Variants in NRXN3 observed in about 807,000 individuals in gnomAD.
The protein encoded by NRXN3 is neurexin 3, also known as neurexin III.
A neutral mutation model predicts 137.6 loss-of-function variants in NRXN3; 32 were observed. The ratio of observed to expected loss-of-function variants is 0.23; its 90% CI spans 0.18 to 0.31. The LOEUF (loss-of-function observed/expected upper bound fraction) is 0.31, where lower values mean the gene tolerates loss of function less well. NRXN3 is among the 10% of genes least tolerant of loss of function. NRXN3 has a pLI of 1.00. For missense variants in NRXN3, 1,574 were observed against 2,062.5 expected (o/e 0.76, Z 4.59); for synonymous variants, 798 against 784.5 (o/e 1.02, Z -0.29).
At chr14:79,334,912 A>AT (rs1240824240) in intron 15 of NRXN3, among the ~76,000 whole-genome samples, 5 of 152,106 alleles carry the variant, frequency 3.3e-5, no homozygotes, top group Non-Finnish European at 7.4e-5. Flanking sequence ...TTGAAGGAGG[A>AT]TTGGTCTTAT....
chr14:78,559,044 A>G (rs1469335620), intron 4 of NRXN3, among the ~76,000 whole-genome samples: 4 of 152,214 alleles, frequency 2.6e-5, no homozygotes, highest in African/African-American at 7.2e-5. Flanking sequence ...ACCTTGGGTG[A>G]AGAGAGTTGA....
At chr14:78,757,649 T>C (rs2098675178) in intron 8 of NRXN3, among the ~76,000 whole-genome samples, 1 of 152,134 alleles carries the variant, frequency 6.6e-6, no homozygotes, top group Admixed American at 6.5e-5. Context: ...CATAATGACA[T>C]TGTGAATGCA....
chr14:79,748,324 G>A (rs2098985964), intron 19 of NRXN3, among the ~76,000 whole-genome samples: 1 of 152,084 alleles, frequency 6.6e-6, no homozygotes, highest in South Asian at 2.1e-4. Flanking sequence ...TGAGTGTTGT[G>A]GTTGCTGTTT....
Position 78,588,380 on chromosome 14 carries a change from G to A in NRXN3, c.758-56740G>A, listed in dbSNP as rs569202782. ...TGTAACTGATATCATCCAATCACAA[G>A]TAAATTACTGCTCTGTGGAATAAAA... On this transcript the variant is annotated intron_variant, in intron 4 of 20. Transcript: ENST00000335750. 7.9e-5 allele frequency among the ~76,000 whole-genome samples: 12 copies of A among 152,264 alleles called. 1 individual carries two copies. The South Asian group carries it at 2.3e-3, about 29-fold the overall frequency.
intron 16 of NRXN3, among the ~76,000 whole-genome samples, chr14:79,547,461 C>T (rs2097331943): frequency 6.6e-6 from 1 of 152,158 alleles, no homozygotes; most frequent in African/African-American, 2.4e-5. Flanking sequence ...AATTAGCAAG[C>T]CAAATCTTGC....
chr14:78,393,810 A>T (rs1002647079), intron 4 of NRXN3, among the ~76,000 whole-genome samples: 1 of 151,992 alleles, frequency 6.6e-6, no homozygotes, highest in African/African-American at 2.4e-5. Flanking sequence ...AGTTTTCAGC[A>T]TACAAATTCT....
intron 15 of NRXN3, among the ~76,000 whole-genome samples, chr14:79,095,821 A>G (rs998694563): frequency 1.3e-5 from 2 of 152,142 alleles, no homozygotes; most frequent in Admixed American, 6.5e-5. Flanking sequence ...CTAATGTCCT[A>G]GGGAAAATAT....
intron 1 of NRXN3, among the ~76,000 whole-genome samples, chr14:78,194,964 CAG>C (rs761878696): frequency 1.1e-4 from 16 of 152,194 alleles, no homozygotes; most frequent in Non-Finnish European, 2.2e-4. Flanking sequence ...CTGGAGCACT[CAG>C]GGGATCCTGG....
Position 79,241,089 on chromosome 14 carries a change from C to T in NRXN3, c.3263-226132C>T, listed in dbSNP as rs554402947. Among the ~76,000 whole-genome samples, 7 of 152,176 alleles carry T rather than the reference C, an allele frequency of 4.6e-5. No individual in the cohort carries two copies. In the East Asian group the frequency reaches 1.4e-3, roughly 29 times the overall value. On this transcript the variant is annotated intron_variant, in intron 15 of 20. Transcript: ENST00000335750. Reference sequence around the variant, plus strand: ...AGGAATGACACAAATTCCAAAGAACCTGTAGTTAAAATAGTTGCTATTTAC... The same window carrying T: ...AGGAATGACACAAATTCCAAAGAACTTGTAGTTAAAATAGTTGCTATTTAC...
At chr14:78,977,000 T>G (rs2099469601) in intron 14 of NRXN3, among the ~76,000 whole-genome samples, 1 of 152,170 alleles carries the variant, frequency 6.6e-6, no homozygotes, top group African/African-American at 2.4e-5. Flanking sequence ...ATAGGTGACT[T>G]TATAGGTCTT....
intron 15 of NRXN3, among the ~76,000 whole-genome samples, chr14:79,453,206 A>G (rs1430454669): frequency 2.0e-5 from 3 of 152,136 alleles, no homozygotes; most frequent in Admixed American, 2.0e-4. Flanking sequence ...GGCAGGTGGA[A>G]CACCTGAGGT....
intron 10 of NRXN3, among the ~76,000 whole-genome samples, chr14:78,956,852 T>C (rs1343581531): frequency 2.0e-5 from 3 of 152,322 alleles, no homozygotes; most frequent in Middle Eastern, 3.4e-3. Context: ...GCCAAATTAT[T>C]CTATAGAAAA....
At chr14:79,356,480 C>T (rs949136364) in intron 15 of NRXN3, among the ~76,000 whole-genome samples, 2 of 152,128 alleles carry the variant, frequency 1.3e-5, no homozygotes, top group African/African-American at 2.4e-5. Context: ...CCTCTGAAAT[C>T]GTGTTCAAAA....
chr14:79,178,011 G>T (rs1341688807), intron 15 of NRXN3, among the ~76,000 whole-genome samples: 1 of 152,152 alleles, frequency 6.6e-6, no homozygotes, highest in South Asian at 2.1e-4. Flanking sequence ...TGTGGTTGTT[G>T]CCATCAAGGC....
chr14:78,931,955 C>T (rs1161975305), intron 10 of NRXN3, among the ~76,000 whole-genome samples: 2 of 152,028 alleles, frequency 1.3e-5, no homozygotes, highest in East Asian at 1.9e-4. Context: ...GAGACCAGTC[C>T]GGCCAACGTG....
At chr14:78,188,070 C>G (rs1202819247) in intron 1 of NRXN3, among the ~76,000 whole-genome samples, 1 of 152,178 alleles carries the variant, frequency 6.6e-6, no homozygotes, top group Non-Finnish European at 1.5e-5. Context: ...CTAATATTGT[C>G]ACCCTGGCTT....
intron 15 of NRXN3, among the ~76,000 whole-genome samples, chr14:79,165,257 A>G (rs1048296491): frequency 1.1e-4 from 16 of 152,002 alleles, no homozygotes; most frequent in Non-Finnish European, 2.4e-4. Context: ...TGCCTGAAAT[A>G]GCATAATAAT....
intron 1 of NRXN3, among the ~76,000 whole-genome samples, chr14:78,205,860 T>TTC (rs1382465968): frequency 6.6e-6 from 1 of 151,856 alleles, no homozygotes; most frequent in Non-Finnish European, 1.5e-5. Flanking sequence ...TGGGAATGGG[T>TTC]GAGAGAGGAC....
intron 10 of NRXN3, among the ~76,000 whole-genome samples, chr14:78,820,832 G>T (rs1438313939): frequency 6.6e-6 from 1 of 152,142 alleles, no homozygotes; most frequent in Non-Finnish European, 1.5e-5. Flanking sequence ...CAAAAAAGAG[G>T]CAAAATGTAA....
Sources: allele counts gnomAD v4.1 joint callset (sites outside exome capture counted in the v4.1 genomes callset), GRCh38; gene constraint gnomAD v4.1.1; transcripts MANE v1.5; gene names NCBI Gene and HGNC (gene_info 2026-07-23, HGNC 2026-07-21).